Variants in LRP1B observed in about 807,000 individuals in gnomAD.
LRP1B encodes LDL receptor related protein 1B.
Under a neutral mutation model 556.6 loss-of-function variants are expected in LRP1B, and 217 were observed. That is an observed-to-expected ratio of 0.39 (90% CI 0.35 to 0.44). The LOEUF is 0.44. Among genes scored for constraint, LRP1B ranks in the 20% least tolerant of loss-of-function variants. The pLI is 1.00. For missense variants in LRP1B, 5,053 were observed against 5,620.8 expected (o/e 0.90, Z 3.23); for synonymous variants, 2,047 against 1,865.8 (o/e 1.10, Z -2.50).
intron 1 of LRP1B, among the ~76,000 whole-genome samples, chr2:142,065,082 G>A (rs926895242): frequency 2.6e-5 from 4 of 151,508 alleles, no homozygotes; most frequent in East Asian, 3.9e-4. Flanking sequence ...TGAAAGCCAT[G>A]TCTGTGGTAG....
At chr2:140,844,031 A>C (rs2105105115) in intron 29 of LRP1B, among the ~76,000 whole-genome samples, 1 of 152,186 alleles carries the variant, frequency 6.6e-6, no homozygotes, top group African/African-American at 2.4e-5. Context: ...AGGAGTATGT[A>C]TTTAAATACG....
chr2:141,473,813 ATG>A (rs59875134), intron 3 of LRP1B, among the ~76,000 whole-genome samples: 78,116 of 151,836 alleles, frequency 0.51, 20,394 homozygotes, highest in South Asian at 0.73. Flanking sequence ...TGCAAGTGTT[ATG>A]CAACTATATA....
At chr2:142,127,610 C>A (rs1707701386) in intron 1 of LRP1B, among the ~76,000 whole-genome samples, 1 of 151,878 alleles carries the variant, frequency 6.6e-6, no homozygotes, top group Non-Finnish European at 1.5e-5. Context: ...GATTAGCAAC[C>A]TCTTCAAAAC....
Position 140,601,649 on chromosome 2 carries a change from G to GA in LRP1B, c.6800-11dup. On this transcript the variant is annotated splice_polypyrimidine_tract_variant and intron_variant, in intron 41 of 90. Coordinates refer to ENST00000389484, the MANE Select transcript of LRP1B (RefSeq NM_018557.3). ...TCCACAGAACCCACATCTAGTGGGG[G>GA]AAGAAAAAGAAAAAATATATACTTT... 6.5e-7 allele frequency: 1 copy of GA among 1,532,076 alleles called. No homozygotes were observed. The highest frequency in any genetic ancestry group is 1.9e-5 in the Admixed American group (1 of 52,884). The allele number at this position is 1,532,076 out of a possible 1,614,324, so 94.9% of individuals were successfully genotyped here. A position where few individuals can be genotyped will look rare whatever the true frequency, so the allele number is the denominator to read the frequency against.
intron 43 of LRP1B, among the ~76,000 whole-genome samples, chr2:140,571,854 C>T (rs1322841171): frequency 1.3e-5 from 2 of 151,702 alleles, no homozygotes; most frequent in Non-Finnish European, 1.5e-5. Context: ...TATGTTTTTA[C>T]AGCCAACTCA....
intron 2 of LRP1B, among the ~76,000 whole-genome samples, chr2:141,657,745 G>A (rs1424575706): frequency 2.6e-5 from 4 of 152,152 alleles, no homozygotes; most frequent in Admixed American, 6.5e-5. Context: ...CTGTGTGATT[G>A]TGTTTATGTT....
chr2:140,883,866 C>T lies in LRP1B; in HGVS notation c.4120G>A (p.Ala1374Thr), dbSNP rs1026989487. 1 of 1,613,802 alleles carries T rather than the reference C, an allele frequency of 6.2e-7. No individual in the cohort carries two copies. The highest frequency in any genetic ancestry group is 1.7e-5 in the Admixed American group (1 of 59,972). Reference protein sequence around the residue: ...LDGSLRTTLIAGAMEHPRAIA... With the variant: ...LDGSLRTTLITGAMEHPRAIA... ...GCCCTGGGGTGTTCCATGGCTCCTG[C>T]TATTAGTGTAGTTCTTAGGGAGCCA... The change falls in exon 25 of 91, where the codon GCA becomes ACA. Residue 1374 changes from alanine (A) to threonine (T), a missense_variant. By Grantham distance (58) the Ala-to-Thr change is moderately conservative. Coordinates refer to ENST00000389484, the MANE Select transcript of LRP1B (RefSeq NM_018557.3).
chr2:140,977,172 G>A (rs1300715311), intron 18 of LRP1B, among the ~76,000 whole-genome samples: 1 of 152,144 alleles, frequency 6.6e-6, no homozygotes, highest in Non-Finnish European at 1.5e-5. Context: ...CCCAGTGGGA[G>A]GTAATTGAAA....
intron 1 of LRP1B, among the ~76,000 whole-genome samples, chr2:141,815,196 C>A (rs1696494847): frequency 1.3e-5 from 2 of 151,988 alleles, no homozygotes; most frequent in Non-Finnish European, 2.9e-5. Flanking sequence ...AACACTTGCC[C>A]TGAAGAAAAA....
intron 2 of LRP1B, among the ~76,000 whole-genome samples, chr2:141,592,137 C>T (rs976537348): frequency 1.3e-5 from 2 of 152,226 alleles, no homozygotes; most frequent in Non-Finnish European, 2.9e-5. Context: ...CCCAACCACT[C>T]GTTGACTCCA....
chr2:140,770,215 A>G (rs1156176), intron 34 of LRP1B, among the ~76,000 whole-genome samples: 118,404 of 151,508 alleles, frequency 0.78, 46,953 homozygotes, highest in East Asian at 0.99. Flanking sequence ...AGGTGCTTAG[A>G]ACAGTGCCAT....
chr2:141,472,369 G>A (rs566749484), intron 3 of LRP1B, among the ~76,000 whole-genome samples: 7 of 152,156 alleles, frequency 4.6e-5, no homozygotes, highest in South Asian at 2.1e-4. Context: ...GTGAAATCCC[G>A]TCTGTACTAA....
intron 3 of LRP1B, among the ~76,000 whole-genome samples, chr2:141,433,797 T>G (rs1680657215): frequency 6.6e-6 from 1 of 151,966 alleles, no homozygotes. Flanking sequence ...TGTATGTTAA[T>G]GTTTTCCATA....
intron 66 of LRP1B, among the ~76,000 whole-genome samples, chr2:140,414,193 G>A (rs1462022088): frequency 6.6e-6 from 1 of 152,118 alleles, no homozygotes; most frequent in Non-Finnish European, 1.5e-5. Context: ...TGGGATTACA[G>A]GCATGCACCA....
intron 7 of LRP1B, among the ~76,000 whole-genome samples, chr2:141,162,085 C>T (rs1680060882): frequency 6.6e-6 from 1 of 152,074 alleles, no homozygotes; most frequent in East Asian, 1.9e-4. Context: ...CATATTATGT[C>T]TCTCCCTTAT....
chr2:140,872,360 A>ATTTTTTTTTTTTTTTTTTTTTTT (rs59469282), intron 25 of LRP1B, among the ~76,000 whole-genome samples: 4 of 60,488 alleles, frequency 6.6e-5, no homozygotes, highest in African/African-American at 6.8e-5. Flanking sequence ...GTGTCACCTG[A>ATTTTTTTTTTTTTTTTTTTTTTT]TTTTTTTTTT....
chr2:141,558,348 G>A (rs990744149), intron 2 of LRP1B, among the ~76,000 whole-genome samples: 1 of 151,706 alleles, frequency 6.6e-6, no homozygotes, highest in Non-Finnish European at 1.5e-5. Context: ...TGAGAAAAAA[G>A]AGGTAGATAT....
chr2:141,162,458 G>A (rs928546828), intron 7 of LRP1B, among the ~76,000 whole-genome samples: 2 of 152,030 alleles, frequency 1.3e-5, no homozygotes, highest in Admixed American at 6.6e-5. Flanking sequence ...TTTCAATGAT[G>A]TCTGAAAACA....
intron 41 of LRP1B, among the ~76,000 whole-genome samples, chr2:140,648,708 A>G (rs1392738316): frequency 6.6e-6 from 1 of 152,206 alleles, no homozygotes; most frequent in Non-Finnish European, 1.5e-5. Flanking sequence ...AAGAATGGAA[A>G]GAAAGCCAGT....
Sources: allele counts gnomAD v4.1 joint callset (sites outside exome capture counted in the v4.1 genomes callset), GRCh38; gene constraint gnomAD v4.1.1; transcripts MANE v1.5; gene names NCBI Gene and HGNC (gene_info 2026-07-23, HGNC 2026-07-21).